TENM2: variants seen among roughly 807,000 people sequenced by gnomAD.
TENM2 encodes the protein teneurin transmembrane protein 2.
In TENM2, 52 loss-of-function variants were observed where a neutral mutation model predicts 245.2. The observed-to-expected ratio is 0.21, with a 90% CI of 0.17 to 0.27. The LOEUF is 0.27. Ranked by LOEUF, TENM2 falls within the 10% of genes least tolerant of loss-of-function variation. TENM2 has a pLI of 1.00. For synonymous variants in TENM2, 1,363 were observed against 1,438.9 expected (o/e 0.95, Z 1.19); for missense variants, 3,046 against 3,666.8 (o/e 0.83, Z 4.37).
the TENM2 span, among the ~76,000 whole-genome samples, chr5:167,081,794 G>A: frequency 7.2e-5 from 11 of 152,264 alleles, no homozygotes; most frequent in East Asian, 1.2e-3. Context: ...AACCTTACAC[G>A]GCTAGTGAAT....
intron 4 of TENM2, among the ~76,000 whole-genome samples, chr5:167,971,476 G>A (rs1781779694): frequency 1.3e-5 from 2 of 152,106 alleles, no homozygotes; most frequent in South Asian, 4.2e-4. Flanking sequence ...CGAGGCAGGT[G>A]GATCACTTGA....
intron 2 of TENM2, among the ~76,000 whole-genome samples, chr5:167,825,865 TAA>T (rs201322387): frequency 4.5e-5 from 6 of 134,166 alleles, no homozygotes; most frequent in African/African-American, 8.2e-5. Context: ...TAATGATAAT[TAA>T]AAAAAAAAAA....
At chr5:167,615,970 C>A (rs1251586415) in intron 2 of TENM2, among the ~76,000 whole-genome samples, 1 of 152,116 alleles carries the variant, frequency 6.6e-6, no homozygotes, top group Non-Finnish European at 1.5e-5. Context: ...TCAAGAATAA[C>A]CATGTAATCA....
At chr5:167,937,061 T>C (rs1431792644) in intron 3 of TENM2, among the ~76,000 whole-genome samples, 1 of 152,204 alleles carries the variant, frequency 6.6e-6, no homozygotes, top group East Asian at 1.9e-4. Context: ...TATATGTACA[T>C]TGTGGAATGG....
intron 2 of TENM2, among the ~76,000 whole-genome samples, chr5:167,410,405 ATTCCATTTTG>A (rs1762844179): frequency 6.6e-6 from 1 of 152,038 alleles, no homozygotes; most frequent in African/African-American, 2.4e-5. Flanking sequence ...GAATTGATTT[ATTCCATTTTG>A]TAGTATAGAC....
intron 12 of TENM2, among the ~76,000 whole-genome samples, chr5:168,152,723 TTGTG>T (rs1756764578): frequency 6.6e-6 from 1 of 152,196 alleles, no homozygotes; most frequent in South Asian, 2.1e-4. Context: ...ATCCCTACCT[TTGTG>T]TAACACTTGT....
intron 2 of TENM2, among the ~76,000 whole-genome samples, chr5:167,502,007 A>T (rs1231010421): frequency 6.6e-6 from 1 of 150,958 alleles, no homozygotes; most frequent in African/African-American, 2.4e-5. Flanking sequence ...AAAAATGAAA[A>T]ATAACAAAAA....
At chr5:168,055,576 T>C (rs112537244) in intron 6 of TENM2, among the ~76,000 whole-genome samples, 1 of 152,168 alleles carries the variant, frequency 6.6e-6, no homozygotes, top group African/African-American at 2.4e-5. Flanking sequence ...CTCTGGAAAA[T>C]GACTGCCAGT....
chr5:168,178,347 G>T (rs1274061220), intron 13 of TENM2, among the ~76,000 whole-genome samples: 1 of 152,212 alleles, frequency 6.6e-6, no homozygotes, highest in Non-Finnish European at 1.5e-5. Context: ...AGACCAGGCA[G>T]CGAGAGGCCA....
At chr5:167,816,505 A>T in intron 2 of TENM2, among the ~76,000 whole-genome samples, 2 of 150,106 alleles carry the variant, frequency 1.3e-5, no homozygotes, top group East Asian at 3.8e-4. Flanking sequence ...GATAGCCTTA[A>T]ACAACTGTTC....
intron 12 of TENM2, among the ~76,000 whole-genome samples, chr5:168,127,899 T>G (rs1795968884): frequency 6.6e-6 from 1 of 152,234 alleles, no homozygotes; most frequent in Admixed American, 6.5e-5. Context: ...TGAAGTTACC[T>G]TTGATCCCAG....
the TENM2 span, among the ~76,000 whole-genome samples, chr5:167,197,287 G>T: frequency 6.6e-6 from 1 of 152,032 alleles, no homozygotes; most frequent in Non-Finnish European, 1.5e-5. Context: ...CTACAACATG[G>T]CGTGCTGGAA....
intron 7 of TENM2, 25 bp from the exon 10 acceptor site, chr5:168,090,549 A>G (rs1355150657): frequency 1.2e-6 from 2 of 1,605,144 alleles, no homozygotes; most frequent in Non-Finnish European, 1.7e-6. Flanking sequence ...TGTCTCATGC[A>G]TGGTACTCTC....
At chr5:168,196,457 TTTTG>T (rs911675659) in intron 15 of TENM2, among the ~76,000 whole-genome samples, 9 of 152,156 alleles carry the variant, frequency 5.9e-5, no homozygotes, top group African/African-American at 9.7e-5. Context: ...GGTGGGGTTT[TTTTG>T]TTTGTTTGTT....
intron 2 of TENM2, among the ~76,000 whole-genome samples, chr5:167,729,967 C>A (rs1211880757): frequency 6.6e-6 from 1 of 152,190 alleles, no homozygotes; most frequent in African/African-American, 2.4e-5. Flanking sequence ...ATAAAGAGAT[C>A]TATCTCTCTG....
intron 8 of TENM2, among the ~76,000 whole-genome samples, chr5:168,096,156 A>G (rs1793355758): frequency 6.6e-6 from 1 of 152,224 alleles, no homozygotes; most frequent in East Asian, 1.9e-4. Context: ...GCTGTTCCCA[A>G]TACAGACAGC....
intron 3 of TENM2, among the ~76,000 whole-genome samples, chr5:167,928,156 C>A (rs1311890562): frequency 6.6e-6 from 1 of 152,168 alleles, no homozygotes; most frequent in African/African-American, 2.4e-5. Flanking sequence ...AATGGTAAGA[C>A]AAATGTAAGA....
intron 2 of TENM2, among the ~76,000 whole-genome samples, chr5:167,425,245 A>C (rs1009212423): frequency 4.6e-5 from 7 of 152,218 alleles, no homozygotes; most frequent in African/African-American, 1.7e-4. Context: ...TGATAAATCA[A>C]ATGAAATAAT....
intron 2 of TENM2, among the ~76,000 whole-genome samples, chr5:167,675,577 A>C (rs1231334294): frequency 1.3e-5 from 2 of 152,078 alleles, no homozygotes; most frequent in Non-Finnish European, 2.9e-5. Flanking sequence ...GAAACTTTGG[A>C]CATTTTCTTG....
Sources: gnomAD v4.1 joint callset for allele counts (sites outside exome capture counted in the v4.1 genomes callset) on GRCh38, gnomAD v4.1.1 for gene constraint, MANE v1.5 for transcripts, NCBI Gene and HGNC (gene_info 2026-07-23, HGNC 2026-07-21) for gene names.